MRPS35: variants seen among roughly 807,000 people sequenced by gnomAD.
MRPS35 encodes the protein small ribosomal subunit protein mS35.
MRPS35 carries 29 observed loss-of-function variants against 32.7 expected under a neutral mutation model. The ratio of observed to expected loss-of-function variants is 0.89; its 90% CI spans 0.66 to 1.21. The LOEUF (loss-of-function observed/expected upper bound fraction) is 1.21. Ranked by LOEUF, MRPS35 falls within the 50% of genes most tolerant of loss-of-function variation. The pLI, the probability that MRPS35 is intolerant of heterozygous loss-of-function variation, is 0.00. For missense variants in MRPS35, 373 were observed against 383.8 expected (o/e 0.97, Z 0.23); for synonymous variants, 148 against 139.3 (o/e 1.06, Z -0.44).
intron 5 of MRPS35, among the ~76,000 whole-genome samples, chr12:27,729,595 T>A (rs1374500259): frequency 6.6e-6 from 1 of 152,138 alleles, no homozygotes; most frequent in Admixed American, 6.5e-5. Context: ...TGTATCCTAT[T>A]CTTAGATTAC....
At chr12:27,726,536 T>C (rs914070511) in intron 5 of MRPS35, among the ~76,000 whole-genome samples, 10 of 152,114 alleles carry the variant, frequency 6.6e-5, no homozygotes, top group Non-Finnish European at 1.5e-4. Flanking sequence ...GCATGGCACC[T>C]CCATATTTAA....
intron 1 of MRPS35, among the ~76,000 whole-genome samples, chr12:27,714,112 G>GA (rs2061839875): frequency 6.8e-6 from 1 of 147,388 alleles, no homozygotes; most frequent in South Asian, 2.2e-4. Flanking sequence ...AGAGAAAAAA[G>GA]AAAAAATTCA....
rs890676287 is a variant in MRPS35 at position 27,713,059 on chromosome 12, G to A, written c.113-1721G>A. On this transcript the variant is annotated intron_variant, in intron 1 of 7. Coordinates refer to ENST00000081029, the MANE Select transcript of MRPS35 (RefSeq NM_021821.4). Reference sequence around the variant, plus strand: ...GCTAAGGATGCATTATAGTTAAGACGCCTGTTAAGTGCCTTCAGCCTCTTT... The same window carrying A: ...GCTAAGGATGCATTATAGTTAAGACACCTGTTAAGTGCCTTCAGCCTCTTT... 2.0e-5 allele frequency among the ~76,000 whole-genome samples: 3 copies of A among 152,138 alleles called. 1 individual carries two copies. The highest frequency in any genetic ancestry group is 2.9e-5 in the Non-Finnish European group (2 of 68,028).
In MRPS35 at chr12:27,732,721, A is replaced by G. The variant is rs144150922; in HGVS notation, c.523-2726A>G. 3.0e-3 allele frequency among the ~76,000 whole-genome samples: 458 copies of G among 152,276 alleles called. 4 individuals are homozygous for G. The highest frequency in any genetic ancestry group is 0.022 in the Admixed American group (332 of 15,296). ...ACAACTTATATATAACTTTACTTCA[A>G]AAGTGCTTTATTCTATTAATCTCAT... is the stretch of plus-strand genomic sequence containing the variant. On this transcript the variant is annotated intron_variant, in intron 5 of 7. Coordinates refer to ENST00000081029, the MANE Select transcript of MRPS35 (RefSeq NM_021821.4).
chr12:27,739,596 A>G (rs908398291), intron 7 of MRPS35, among the ~76,000 whole-genome samples: 8 of 152,240 alleles, frequency 5.3e-5, no homozygotes, highest in Non-Finnish European at 7.3e-5. Flanking sequence ...TAAGAGCAAC[A>G]TCAGAATAGC....
intron 7 of MRPS35, among the ~76,000 whole-genome samples, chr12:27,746,302 T>C (rs61915375): frequency 0.12 from 18,468 of 152,038 alleles, 1,387 homozygotes; most frequent in East Asian, 0.18. Flanking sequence ...ATCTGGTATC[T>C]GAAATGCTCC....
At chr12:27,752,936 T>C (rs898730771) in intron 7 of MRPS35, 12 of 152,304 alleles carry the variant, frequency 7.9e-5, no homozygotes, top group African/African-American at 2.4e-4. Context: ...AGTTACAGAT[T>C]GAATGCCTTG....
At chr12:27,739,506 A>G (rs1022731056) in intron 7 of MRPS35, among the ~76,000 whole-genome samples, 10 of 152,252 alleles carry the variant, frequency 6.6e-5, no homozygotes, top group African/African-American at 2.2e-4. Context: ...AGTAAAAGAC[A>G]AAAAGTAGCT....
intron 3 of MRPS35, among the ~76,000 whole-genome samples, chr12:27,717,548 A>T (rs1343796808): frequency 6.6e-6 from 1 of 152,238 alleles, no homozygotes; most frequent in African/African-American, 2.4e-5. Context: ...GAGTCTTTGA[A>T]AAACAAAAGT....
chr12:27,718,948 A>G (rs2061861815), intron 3 of MRPS35, among the ~76,000 whole-genome samples: 2 of 151,852 alleles, frequency 1.3e-5, no homozygotes, highest in South Asian at 4.1e-4. Context: ...TTAGCCGGGC[A>G]TAGTGGCACA....
At chr12:27,739,415 T>G (rs1353234240) in intron 7 of MRPS35, among the ~76,000 whole-genome samples, 1 of 152,224 alleles carries the variant, frequency 6.6e-6, no homozygotes, top group South Asian at 2.1e-4. Context: ...TGCTCACAGC[T>G]TTTCCTTCAT....
At chr12:27,748,254 AT>A (rs1340991433) in intron 7 of MRPS35, among the ~76,000 whole-genome samples, 3 of 152,214 alleles carry the variant, frequency 2.0e-5, no homozygotes, top group African/African-American at 7.2e-5. Flanking sequence ...ATTAGACTGA[AT>A]GTTCCCAGAG....
At chr12:27,721,520 G>A (rs986453577) in intron 4 of MRPS35, among the ~76,000 whole-genome samples, 2 of 152,112 alleles carry the variant, frequency 1.3e-5, no homozygotes, top group Non-Finnish European at 2.9e-5. Flanking sequence ...TTAGCCGGGT[G>A]TGGTGGCATG....
Position 27,755,535 on chromosome 12 carries a change from TAAAA to T in MRPS35, c.*88_*91del. On this transcript the variant is annotated 3_prime_UTR_variant, in exon 8 of 8. Coordinates refer to ENST00000081029, the MANE Select transcript of MRPS35 (RefSeq NM_021821.4). The stretch of plus-strand genomic sequence containing the variant: ...TAATTTGATATAAAATTGAAAATGT[TAAAA>T]AATCATTTTTTTTCCTCAGAGTTAA... 1 of 1,275,782 alleles carries T rather than the reference TAAAA, an allele frequency of 7.8e-7. No individual in the cohort carries two copies. Among genetic ancestry groups the T allele is most frequent in the Non-Finnish European group, 1.0e-6 (1 of 957,028 alleles). The allele number at this position is 1,275,782 out of a possible 1,614,324, so 79.0% of individuals were successfully genotyped here.
intron 5 of MRPS35, among the ~76,000 whole-genome samples, chr12:27,732,003 G>A (rs2061923950): frequency 1.3e-5 from 2 of 152,076 alleles, no homozygotes; most frequent in South Asian, 2.1e-4. Flanking sequence ...TATGTTTACT[G>A]TATAAAATTT....
chr12:27,724,249 G>T, intron 5 of MRPS35, 63 bp downstream of exon 5: 1 of 1,368,144 alleles, frequency 7.3e-7, no homozygotes, highest in South Asian at 1.7e-5. Context: ...ATTTAAAGAT[G>T]TCTTTGGTGG....
At chr12:27,726,610 A>G (rs114613485) in intron 5 of MRPS35, among the ~76,000 whole-genome samples, 2,649 of 152,202 alleles carry the variant, frequency 0.017, 110 homozygotes, top group African/African-American at 0.061. Flanking sequence ...CTATTTTACA[A>G]TTTCACCAGC....
At chr12:27,744,369 G>A (rs534877973) in intron 7 of MRPS35, among the ~76,000 whole-genome samples, 7 of 152,106 alleles carry the variant, frequency 4.6e-5, no homozygotes, top group Middle Eastern at 3.4e-3. Flanking sequence ...CGAGGCAGGC[G>A]GATCACTTGA....
intron 7 of MRPS35, among the ~76,000 whole-genome samples, chr12:27,739,122 TCCTAACCTCAGGTGATCCA>T (rs1385610029): frequency 6.6e-6 from 1 of 152,200 alleles, no homozygotes; most frequent in Non-Finnish European, 1.5e-5. Context: ...GGTCTCGAAC[TCCTAACCTCAGGTGATCCA>T]CCCGCCTCGG....
Sources: allele counts gnomAD v4.1 joint callset (sites outside exome capture counted in the v4.1 genomes callset), GRCh38; gene constraint gnomAD v4.1.1; transcripts MANE v1.5; gene names NCBI Gene and HGNC (gene_info 2026-07-23, HGNC 2026-07-21).